BTBD9: variants seen among roughly 807,000 people sequenced by gnomAD.
The protein encoded by BTBD9 is BTB domain containing 9.
A neutral mutation model predicts 64.3 loss-of-function variants in BTBD9; 49 were observed. That is an observed-to-expected ratio of 0.76 (90% CI 0.61 to 0.97). BTBD9 has a LOEUF of 0.97. Among genes scored for constraint, BTBD9 ranks in the 50% least tolerant of loss-of-function variants. The pLI, the probability that BTBD9 is intolerant of heterozygous loss-of-function variation, is 0.00. For synonymous variants in BTBD9, 260 were observed against 274.7 expected (o/e 0.95, Z 0.53); for missense variants, 598 against 762.1 (o/e 0.78, Z 2.53).
intron 6 of BTBD9, among the ~76,000 whole-genome samples, chr6:38,407,032 C>A (rs1240820339): frequency 6.6e-6 from 1 of 152,132 alleles, no homozygotes; most frequent in Non-Finnish European, 1.5e-5. Context: ...ACCTGGCTGT[C>A]TTTTGTAAGG....
At chr6:38,485,085 A>T (rs1287967228) in intron 6 of BTBD9, among the ~76,000 whole-genome samples, 4 of 152,194 alleles carry the variant, frequency 2.6e-5, no homozygotes, top group Non-Finnish European at 1.5e-5. Context: ...TGACAGCCTA[A>T]ATCTTTTGTT....
At chr6:38,451,557 A>C (rs1198944936) in intron 6 of BTBD9, among the ~76,000 whole-genome samples, 1 of 152,192 alleles carries the variant, frequency 6.6e-6, no homozygotes, top group Non-Finnish European at 1.5e-5. Context: ...ACTGTTTGAA[A>C]ATGGCAAACA....
intron 6 of BTBD9, among the ~76,000 whole-genome samples, chr6:38,369,451 C>T (rs771850033): frequency 7.9e-5 from 12 of 152,222 alleles, no homozygotes; most frequent in Non-Finnish European, 2.9e-5. Flanking sequence ...CTACCTGATG[C>T]TCTCCTAATA....
At chr6:38,483,908 T>C (rs987842612) in intron 6 of BTBD9, among the ~76,000 whole-genome samples, 3 of 152,198 alleles carry the variant, frequency 2.0e-5, no homozygotes, top group Non-Finnish European at 4.4e-5. Context: ...TATTCCCCCA[T>C]TCCAATTTTG....
intron 1 of BTBD9, among the ~76,000 whole-genome samples, chr6:38,609,521 A>G (rs1383992824): frequency 6.6e-6 from 1 of 152,200 alleles, no homozygotes; most frequent in African/African-American, 2.4e-5. Context: ...ACCTTCTTCT[A>G]TGTGTACATA....
chr6:38,272,559 A>G (rs943603447), intron 8 of BTBD9, among the ~76,000 whole-genome samples: 4 of 152,198 alleles, frequency 2.6e-5, no homozygotes, highest in Admixed American at 6.5e-5. Flanking sequence ...TTCTTCTCAA[A>G]TAGATGCAAC....
intron 8 of BTBD9, among the ~76,000 whole-genome samples, chr6:38,263,896 T>C (rs990194663): frequency 1.3e-5 from 2 of 152,050 alleles, no homozygotes; most frequent in African/African-American, 4.8e-5. Context: ...CCTGGTGGAG[T>C]GCACTGGACA....
intron 10 of BTBD9, among the ~76,000 whole-genome samples, chr6:38,183,213 G>A (rs748620435): frequency 3.3e-5 from 5 of 152,148 alleles, no homozygotes; most frequent in African/African-American, 4.8e-5. Context: ...ATCTGACCTC[G>A]TGATCTGCCC....
intron 9 of BTBD9, among the ~76,000 whole-genome samples, chr6:38,200,038 G>A (rs535818897): frequency 6.6e-6 from 1 of 152,338 alleles, no homozygotes; most frequent in South Asian, 2.1e-4. Flanking sequence ...CCTGAGGTCA[G>A]GAGAAGCATG....
Position 38,329,279 on chromosome 6 carries a change from G to A in BTBD9, c.1264+15705C>T, listed in dbSNP as rs1333477825. 2.0e-5 allele frequency among the ~76,000 whole-genome samples: 3 copies of A among 151,178 alleles called. No individual in the cohort carries two copies. In the East Asian group the frequency reaches 5.8e-4, roughly 29 times the overall value. On this transcript the variant is annotated intron_variant, in intron 7 of 10. Transcript: ENST00000481247. ...TATTCCTTTAGGATGAATTATTAAA[G>A]GTCAAAGTAGTAGATAAAGGAGTAT... is the stretch of plus-strand genomic sequence containing the variant.
intron 6 of BTBD9, among the ~76,000 whole-genome samples, chr6:38,408,474 GA>G (rs1327586461): frequency 3.9e-5 from 6 of 152,196 alleles, no homozygotes; most frequent in Non-Finnish European, 7.3e-5. Flanking sequence ...AAAGCTTTGT[GA>G]TCTGGATAGG....
intron 9 of BTBD9, among the ~76,000 whole-genome samples, chr6:38,222,449 C>T (rs10947719): frequency 0.094 from 14,270 of 151,624 alleles, 890 homozygotes; most frequent in Non-Finnish European, 0.14. Flanking sequence ...TTAGTAGAGA[C>T]GGGGTTTCAC....
intron 6 of BTBD9, among the ~76,000 whole-genome samples, chr6:38,515,462 A>G (rs1772981912): frequency 6.6e-6 from 1 of 152,246 alleles, no homozygotes; most frequent in Non-Finnish European, 1.5e-5. Flanking sequence ...TTTAAAAGCC[A>G]GTAAACTAAC....
At chr6:38,351,833 G>A (rs1390100786) in intron 6 of BTBD9, among the ~76,000 whole-genome samples, 1 of 152,062 alleles carries the variant, frequency 6.6e-6, no homozygotes, top group Non-Finnish European at 1.5e-5. Flanking sequence ...AGTGAATTTT[G>A]AACAGTAGGC....
chr6:38,283,522 G>A (rs1029036082), intron 8 of BTBD9, among the ~76,000 whole-genome samples: 2 of 152,156 alleles, frequency 1.3e-5, no homozygotes, highest in African/African-American at 4.8e-5. Context: ...GGTGGTGCAT[G>A]CCTGTGGTCC....
chr6:38,348,125 G>A (rs754337151), intron 6 of BTBD9, among the ~76,000 whole-genome samples: 2 of 152,134 alleles, frequency 1.3e-5, no homozygotes, highest in African/African-American at 2.4e-5. Context: ...TTTCCTTAAC[G>A]GGGCTCACGG....
chr6:38,218,599 C>T (rs907383327), intron 9 of BTBD9, among the ~76,000 whole-genome samples: 1 of 152,166 alleles, frequency 6.6e-6, no homozygotes. Context: ...TGTGCCATTC[C>T]AGTAGGTGTG....
At chr6:38,487,218 T>G (rs753413736) in intron 6 of BTBD9, among the ~76,000 whole-genome samples, 3 of 152,232 alleles carry the variant, frequency 2.0e-5, no homozygotes, top group Non-Finnish European at 4.4e-5. Flanking sequence ...GTGCTTGTGG[T>G]TATCCATTAT....
chr6:38,468,982 A>G (rs1453333023), intron 6 of BTBD9, among the ~76,000 whole-genome samples: 1 of 152,176 alleles, frequency 6.6e-6, no homozygotes, highest in Non-Finnish European at 1.5e-5. Flanking sequence ...TTATTAAAAC[A>G]TTTTGAAAAA....
Sources: allele counts gnomAD v4.1 joint callset (sites outside exome capture counted in the v4.1 genomes callset), GRCh38; gene constraint gnomAD v4.1.1; transcripts MANE v1.5; gene names NCBI Gene and HGNC (gene_info 2026-07-23, HGNC 2026-07-21).